ALG9: variants seen among roughly 807,000 people sequenced by gnomAD.
ALG9 encodes the protein alpha-1,2-mannosyltransferase ALG9.
ALG9 carries 55 observed loss-of-function variants against 81.8 expected under a neutral mutation model. That is an observed-to-expected ratio of 0.67 (90% CI 0.54 to 0.84). ALG9 has a LOEUF of 0.84. ALG9 is among the 40% of genes least tolerant of loss of function. The pLI, the probability that ALG9 is intolerant of heterozygous loss-of-function variation, is 0.00. For synonymous variants in ALG9, 278 were observed against 274.3 expected (o/e 1.01, Z -0.13); for missense variants, 629 against 745.0 (o/e 0.84, Z 1.81).
chr11:111,773,598 G>T, the ALG9 span, among the ~76,000 whole-genome samples: 1 of 151,942 alleles, frequency 6.6e-6, no homozygotes, highest in Admixed American at 6.6e-5. Context: ...AAAGCCTTAG[G>T]CCTTTGAGTC....
At chr11:111,851,493 A>T (rs1566107123) in intron 8 of ALG9, among the ~76,000 whole-genome samples, 1 of 151,776 alleles carries the variant, frequency 6.6e-6, no homozygotes, top group Admixed American at 6.6e-5. Context: ...AAAAAAAAAA[A>T]AAGAGAGAGA....
At chr11:111,775,877 G>A in the ALG9 span, among the ~76,000 whole-genome samples, 7 of 152,248 alleles carry the variant, frequency 4.6e-5, no homozygotes, top group African/African-American at 1.2e-4. Flanking sequence ...TTAAAAGAGC[G>A]GCTCAGGCGT....
rs190878599 is a variant in ALG9 at position 111,871,245 on chromosome 11, T to G, written c.131+107A>C. 10,730 of 1,314,716 alleles carry G rather than the reference T, an allele frequency of 8.2e-3. 55 individuals are homozygous for G. Among genetic ancestry groups the G allele is most frequent in the Middle Eastern group, 0.022 (76 of 3,482 alleles). The allele number at this position is 1,314,716 out of a possible 1,614,324, so 81.4% of individuals were successfully genotyped here. ...AAGAGGGAGCTCGGGCCTCCCGCGG[T>G]GAGGCCAGGCCGGACTGAGCCCCGC... On this transcript the variant is annotated intron_variant, in intron 1 of 14. Coordinates refer to ENST00000616540, the MANE Select transcript of ALG9 (RefSeq NM_024740.2).
intron 14 of ALG9, among the ~76,000 whole-genome samples, chr11:111,795,346 T>C (rs1948093932): frequency 1.3e-5 from 2 of 152,080 alleles, no homozygotes; most frequent in East Asian, 1.9e-4. Flanking sequence ...CCTAAAGCCA[T>C]TACGTGGGGC....
At chr11:111,772,967 G>A in the ALG9 span, among the ~76,000 whole-genome samples, 57 of 152,172 alleles carry the variant, frequency 3.7e-4, no homozygotes, top group African/African-American at 1.3e-3. Context: ...GGCCGGGTGC[G>A]GTGGCTCACG....
At chr11:111,856,625 C>CTTT (rs148667520) in intron 6 of ALG9, among the ~76,000 whole-genome samples, 1 of 137,160 alleles carries the variant, frequency 7.3e-6, no homozygotes, top group African/African-American at 2.6e-5. Context: ...CTGGTACTTA[C>CTTT]TTTTTTTTTT....
chr11:111,866,029 T>C (rs1262384156), intron 3 of ALG9, among the ~76,000 whole-genome samples: 1 of 152,182 alleles, frequency 6.6e-6, no homozygotes, highest in Non-Finnish European at 1.5e-5. Context: ...GCATGGTGGC[T>C]CACACTTGTA....
At chr11:111,777,097 T>A in the ALG9 span, among the ~76,000 whole-genome samples, 1 of 152,152 alleles carries the variant, frequency 6.6e-6, no homozygotes, top group Non-Finnish European at 1.5e-5. Context: ...ACCCTGAAAA[T>A]GGGCAGATGG....
At chr11:111,824,625 AT>A (rs1952930965) in intron 13 of ALG9, among the ~76,000 whole-genome samples, 1 of 152,238 alleles carries the variant, frequency 6.6e-6, no homozygotes, top group African/African-American at 2.4e-5. Context: ...AAACATGCTT[AT>A]AAAATCTTTT....
At chr11:111,870,539 A>G (rs1964005202) in intron 1 of ALG9, among the ~76,000 whole-genome samples, 169 bp from the exon 2 acceptor site, 1 of 152,166 alleles carries the variant, frequency 6.6e-6, no homozygotes, top group Non-Finnish European at 1.5e-5. Flanking sequence ...AGTAAAATTA[A>G]TAAAAATTCA....
chr11:111,811,736 G>A (rs1950745473), intron 13 of ALG9, among the ~76,000 whole-genome samples: 1 of 152,032 alleles, frequency 6.6e-6, no homozygotes, highest in South Asian at 2.1e-4. Flanking sequence ...GACTGAAAAA[G>A]GCCAGGCACC....
At chr11:111,833,768 T>C (rs1954777598) in intron 13 of ALG9, among the ~76,000 whole-genome samples, 1 of 152,214 alleles carries the variant, frequency 6.6e-6, no homozygotes, top group African/African-American at 2.4e-5. Context: ...TTTTGGTGAC[T>C]CCTACTGGCA....
chr11:111,801,511 C>T (rs544504234), intron 14 of ALG9, among the ~76,000 whole-genome samples: 5 of 152,280 alleles, frequency 3.3e-5, no homozygotes, highest in African/African-American at 9.6e-5. Context: ...AGAATGTAAA[C>T]GGACTTTCAT....
At chr11:111,787,805 T>G (rs186933066) in intron 14 of ALG9, among the ~76,000 whole-genome samples, 1 of 152,256 alleles carries the variant, frequency 6.6e-6, no homozygotes, top group African/African-American at 2.4e-5. Context: ...TATGATTTAA[T>G]CCATTTGATA....
At chr11:111,841,686 A>C (rs1254909232) in intron 9 of ALG9, among the ~76,000 whole-genome samples, 1 of 152,230 alleles carries the variant, frequency 6.6e-6, no homozygotes, top group Admixed American at 6.5e-5. Context: ...GCCAGTTTAC[A>C]AGATCAGGAT....
intron 14 of ALG9, among the ~76,000 whole-genome samples, chr11:111,798,841 A>G (rs561956723): frequency 7.2e-5 from 11 of 152,172 alleles, no homozygotes; most frequent in Non-Finnish European, 1.5e-4. Flanking sequence ...TCTTCTCTCA[A>G]ACTAATGGGG....
At chr11:111,813,755 C>T (rs963952852) in intron 13 of ALG9, among the ~76,000 whole-genome samples, 1 of 152,026 alleles carries the variant, frequency 6.6e-6, no homozygotes, top group Non-Finnish European at 1.5e-5. Context: ...ATGCGTTCAA[C>T]CTCATTAGTA....
intron 14 of ALG9, among the ~76,000 whole-genome samples, chr11:111,796,691 T>C (rs1331919676): frequency 6.6e-6 from 1 of 152,084 alleles, no homozygotes; most frequent in Non-Finnish European, 1.5e-5. Context: ...CAAAAACTGA[T>C]AGACAGTGAA....
chr11:111,871,273 G>A, intron 1 of ALG9, 79 bp downstream of exon 1: 1 of 1,335,066 alleles, frequency 7.5e-7, no homozygotes, highest in South Asian at 2.0e-5. Flanking sequence ...AGCCCCGCGC[G>A]CCACAGCTAA....
Sources: gnomAD v4.1 joint callset for allele counts (sites outside exome capture counted in the v4.1 genomes callset) on GRCh38, gnomAD v4.1.1 for gene constraint, MANE v1.5 for transcripts, NCBI Gene and HGNC (gene_info 2026-07-23, HGNC 2026-07-21) for gene names.